The following DPP6 variants were observed in gnomAD, a reference collection of about 807,000 sequenced individuals.
DPP6 encodes the protein dipeptidyl peptidase like 6, also known as A-type potassium channel modulatory protein DPP6.
In DPP6, 69 loss-of-function variants were observed where a neutral mutation model predicts 122.6. That is an observed-to-expected ratio of 0.56 (90% CI 0.46 to 0.69). The LOEUF is 0.69. Among genes scored for constraint, DPP6 ranks in the 30% least tolerant of loss-of-function variants. DPP6 has a pLI of 0.00. For missense variants in DPP6, 928 were observed against 1,116.9 expected, an observed-to-expected ratio of 0.83 and a Z score of 2.41; for synonymous variants, 418 against 433.1, an observed-to-expected ratio of 0.97 and a Z score of 0.43.
At chr7:154,889,561 C>G in intron 25 of DPP6, 31 bp downstream of exon 25, 2 of 1,586,556 alleles carry the variant, frequency 1.3e-6, no homozygotes, top group Non-Finnish European at 1.7e-6. Context: ...TGTTTTGAAC[C>G]TGGAGCAAGA....
chr7:154,102,342 A>C (rs1585381169), intron 1 of DPP6, among the ~76,000 whole-genome samples: 1 of 152,070 alleles, frequency 6.6e-6, no homozygotes, highest in Non-Finnish European at 1.5e-5. Context: ...GGCACACACC[A>C]ATACGCCCAG....
chr7:153,811,293 A>C, the DPP6 span, among the ~76,000 whole-genome samples: 1 of 152,054 alleles, frequency 6.6e-6, no homozygotes. Context: ...GTTGACTTTT[A>C]CTCTCTCAAA....
chr7:154,434,336 A>G (rs1818686620), intron 1 of DPP6, among the ~76,000 whole-genome samples: 1 of 152,196 alleles, frequency 6.6e-6, no homozygotes, highest in African/African-American at 2.4e-5. Flanking sequence ...GTGACACTGC[A>G]GAGTTATAGT....
At chr7:153,881,670 T>C in the DPP6 span, among the ~76,000 whole-genome samples, 4 of 152,172 alleles carry the variant, frequency 2.6e-5, no homozygotes, top group Non-Finnish European at 5.9e-5. Context: ...ACGGCTCACA[T>C]GGCTCTCACT....
intron 1 of DPP6, among the ~76,000 whole-genome samples, chr7:154,082,418 G>T (rs1804083485): frequency 6.6e-6 from 1 of 152,138 alleles, no homozygotes; most frequent in African/African-American, 2.4e-5. Context: ...TGGAGAGGAT[G>T]GAGAGGAAAG....
intron 2 of DPP6, among the ~76,000 whole-genome samples, chr7:154,460,723 C>A (rs1254598369): frequency 6.6e-6 from 1 of 152,052 alleles, no homozygotes; most frequent in Non-Finnish European, 1.5e-5. Context: ...TCTGTGGGTA[C>A]ATAGTAGGTA....
intron 2 of DPP6, among the ~76,000 whole-genome samples, chr7:154,454,961 G>T (rs190239481): frequency 9.9e-5 from 15 of 152,230 alleles, no homozygotes; most frequent in Non-Finnish European, 1.9e-4. Flanking sequence ...AACTAAAACT[G>T]TTCCAATTGC....
rs1220814347 is a variant in DPP6, at chr7:154,853,830, A to G, written c.1714+3A>G. 2 of 1,613,854 alleles carry G rather than the reference A, an allele frequency of 1.2e-6. No individual in the cohort carries two copies. Reference sequence around the variant, plus strand: ...GCACAACACAACAGATAAGAAAAGTAAGTGCTCTTTTTTTTCCTTAAATCT... The same window carrying G: ...GCACAACACAACAGATAAGAAAAGTGAGTGCTCTTTTTTTTCCTTAAATCT... On this transcript the variant is annotated splice_donor_region_variant and intron_variant, in intron 17 of 25. Coordinates refer to ENST00000377770, the MANE Select transcript of DPP6 (RefSeq NM_130797.4).
chr7:154,603,656 C>CAAAAAAA (rs779501891), intron 5 of DPP6, among the ~76,000 whole-genome samples: 356 of 24,954 alleles, frequency 0.014, 44 homozygotes, highest in African/African-American at 0.036. Context: ...AACTCTGTCT[C>CAAAAAAA]AAAAAAAAAA....
At chr7:154,675,708 A>G (rs1476195913) in intron 7 of DPP6, among the ~76,000 whole-genome samples, 1 of 152,140 alleles carries the variant, frequency 6.6e-6, no homozygotes, top group Non-Finnish European at 1.5e-5. Flanking sequence ...TTCTGATGGC[A>G]CATTCACCTA....
chr7:154,276,432 G>A (rs1233968584), intron 1 of DPP6, among the ~76,000 whole-genome samples: 2 of 152,172 alleles, frequency 1.3e-5, no homozygotes, highest in Non-Finnish European at 2.9e-5. Context: ...GAATAGAATC[G>A]TTTAGCAAAT....
intron 1 of DPP6, among the ~76,000 whole-genome samples, chr7:153,890,325 C>T (rs553705002): frequency 3.3e-5 from 5 of 152,164 alleles, no homozygotes; most frequent in Admixed American, 6.5e-5. Context: ...CAAATGGTCA[C>T]GGAAATGTCA....
At chr7:153,998,825 T>G (rs1370522766) in intron 1 of DPP6, among the ~76,000 whole-genome samples, 2 of 152,206 alleles carry the variant, frequency 1.3e-5, no homozygotes, top group Admixed American at 1.3e-4. Context: ...TACCCCAATT[T>G]TCATTACACC....
chr7:154,186,118 C>G (rs978412180), intron 1 of DPP6, among the ~76,000 whole-genome samples: 2 of 152,156 alleles, frequency 1.3e-5, no homozygotes, highest in Non-Finnish European at 2.9e-5. Flanking sequence ...AGTGGTTCCT[C>G]CCAGCTCTGA....
At chr7:154,124,890 C>A (rs151224713) in intron 1 of DPP6, among the ~76,000 whole-genome samples, 2 of 152,300 alleles carry the variant, frequency 1.3e-5, no homozygotes, top group East Asian at 3.9e-4. Flanking sequence ...GTAGTTAGCA[C>A]ACAGATTATG....
At chr7:154,430,122 C>T (rs1818239398) in intron 1 of DPP6, among the ~76,000 whole-genome samples, 1 of 152,142 alleles carries the variant, frequency 6.6e-6, no homozygotes, top group Non-Finnish European at 1.5e-5. Flanking sequence ...CGCTCGCCTC[C>T]ATTCCCCAGG....
At chr7:154,437,668 G>A (rs1274719043) in intron 1 of DPP6, among the ~76,000 whole-genome samples, 1 of 152,206 alleles carries the variant, frequency 6.6e-6, no homozygotes, top group African/African-American at 2.4e-5. Context: ...AGGTGTGGTG[G>A]TTCATGCCTG....
chr7:154,198,340 C>G (rs998447649), intron 1 of DPP6, among the ~76,000 whole-genome samples: 1 of 151,324 alleles, frequency 6.6e-6, no homozygotes, highest in Non-Finnish European at 1.5e-5. Context: ...GAGATAGGGT[C>G]TCACTCTGTC....
chr7:154,674,224 A>G (rs1838750267), intron 7 of DPP6, among the ~76,000 whole-genome samples: 1 of 151,950 alleles, frequency 6.6e-6, no homozygotes, highest in Non-Finnish European at 1.5e-5. Flanking sequence ...GCCCCCGACC[A>G]TGTGTTTGTC....
Sources: allele counts gnomAD v4.1 joint callset (sites outside exome capture counted in the v4.1 genomes callset), GRCh38; gene constraint gnomAD v4.1.1; transcripts MANE v1.5; gene names NCBI Gene and HGNC (gene_info 2026-07-23, HGNC 2026-07-21).